The following KIAA1217 variants were observed in gnomAD, a reference collection of about 807,000 sequenced individuals.
KIAA1217 encodes sickle tail protein homolog.
A neutral mutation model predicts 163.9 loss-of-function variants in KIAA1217; 88 were observed. The observed-to-expected ratio is 0.54, with a 90% CI of 0.45 to 0.64. The LOEUF (loss-of-function observed/expected upper bound fraction) is 0.64. Among genes scored for constraint, KIAA1217 ranks in the 30% least tolerant of loss-of-function variants. The pLI, the probability that KIAA1217 is intolerant of heterozygous loss-of-function variation, is 0.00. For missense variants in KIAA1217, 2,372 were observed against 2,475.0 expected, an observed-to-expected ratio of 0.96 and a Z score of 0.88; for synonymous variants, 903 against 923.1, an observed-to-expected ratio of 0.98 and a Z score of 0.39.
At chr10:24,397,351 G>T (rs544877637) in intron 3 of KIAA1217, among the ~76,000 whole-genome samples, 10 of 152,144 alleles carry the variant, frequency 6.6e-5, no homozygotes, top group Non-Finnish European at 1.0e-4. Flanking sequence ...GCCTCCCAAA[G>T]TGCTGGGATT....
chr10:23,713,870 A>G (rs1290315160), intron 1 of KIAA1217, among the ~76,000 whole-genome samples: 1 of 152,156 alleles, frequency 6.6e-6, no homozygotes, highest in Non-Finnish European at 1.5e-5. Flanking sequence ...TATAACCTTG[A>G]CTTCAAACCT....
intron 1 of KIAA1217, among the ~76,000 whole-genome samples, chr10:23,703,013 C>T (rs183394102): frequency 1.1e-3 from 160 of 152,002 alleles, no homozygotes; most frequent in Non-Finnish European, 1.3e-3. Flanking sequence ...CTTTTTTTGC[C>T]CTCTGTATTC....
chr10:23,779,124 A>T (rs1185612208), intron 1 of KIAA1217, among the ~76,000 whole-genome samples: 1 of 152,166 alleles, frequency 6.6e-6, no homozygotes, highest in Non-Finnish European at 1.5e-5. Flanking sequence ...GACCAGAAAG[A>T]TATGATGAGT....
At chr10:24,271,805 T>C (rs2076796070) in intron 2 of KIAA1217, among the ~76,000 whole-genome samples, 1 of 152,006 alleles carries the variant, frequency 6.6e-6, no homozygotes. Flanking sequence ...GGCCTTTTAA[T>C]AAACTTTCCC....
intron 2 of KIAA1217, among the ~76,000 whole-genome samples, chr10:24,149,870 T>G (rs1414796862): frequency 1.3e-5 from 2 of 151,954 alleles, no homozygotes; most frequent in African/African-American, 2.4e-5. Flanking sequence ...CCAAAATAAG[T>G]GCAACTATTA....
At chr10:24,174,252 A>C (rs1011269707) in intron 2 of KIAA1217, among the ~76,000 whole-genome samples, 1 of 152,200 alleles carries the variant, frequency 6.6e-6, no homozygotes, top group South Asian at 2.1e-4. Flanking sequence ...AGGCCCTTCT[A>C]TGTCTGTCTA....
chr10:24,321,358 C>T (rs570393591), intron 2 of KIAA1217, among the ~76,000 whole-genome samples: 16 of 152,004 alleles, frequency 1.1e-4, no homozygotes, highest in Admixed American at 7.9e-4. Context: ...GACCAACATA[C>T]CAAAACCCCA....
intron 2 of KIAA1217, among the ~76,000 whole-genome samples, chr10:24,096,615 C>T (rs1471146377): frequency 6.6e-6 from 1 of 152,136 alleles, no homozygotes; most frequent in Non-Finnish European, 1.5e-5. Flanking sequence ...CTGTGTACTT[C>T]CCCATCTCCC....
intron 2 of KIAA1217, among the ~76,000 whole-genome samples, chr10:24,120,055 A>T (rs1250438184): frequency 6.6e-6 from 1 of 152,140 alleles, no homozygotes; most frequent in Non-Finnish European, 1.5e-5. Flanking sequence ...AAGAAACATG[A>T]TTCCTATGCG....
intron 2 of KIAA1217, among the ~76,000 whole-genome samples, chr10:24,197,967 T>C (rs137997555): frequency 1.8e-4 from 28 of 152,366 alleles, no homozygotes; most frequent in East Asian, 1.4e-3. Flanking sequence ...TTCCATCATC[T>C]TTCCTATCAC....
chr10:24,061,915 CAT>C (rs1257954649), intron 2 of KIAA1217, among the ~76,000 whole-genome samples: 3 of 152,062 alleles, frequency 2.0e-5, no homozygotes, highest in African/African-American at 7.2e-5. Context: ...ATCTGGATGT[CAT>C]TTACTTCCTC....
intron 1 of KIAA1217, among the ~76,000 whole-genome samples, chr10:23,721,521 G>A (rs1027537963): frequency 9.3e-5 from 14 of 151,268 alleles, no homozygotes; most frequent in Admixed American, 8.6e-4. Flanking sequence ...TGCTTTCACT[G>A]CTGGTGGTAT....
At chr10:24,445,973 T>C (rs2060898798) in intron 5 of KIAA1217, among the ~76,000 whole-genome samples, 1 of 152,196 alleles carries the variant, frequency 6.6e-6, no homozygotes, top group Admixed American at 6.5e-5. Context: ...TCCACAATGG[T>C]TGAACTAGTT....
At chr10:23,838,516 A>C (rs1219539052) in intron 1 of KIAA1217, among the ~76,000 whole-genome samples, 1 of 151,514 alleles carries the variant, frequency 6.6e-6, no homozygotes, top group Non-Finnish European at 1.5e-5. Context: ...GCTGGAGTGC[A>C]GTGGCACCAT....
At chr10:24,224,009 T>C (rs567957889) in intron 2 of KIAA1217, among the ~76,000 whole-genome samples, 2 of 152,326 alleles carry the variant, frequency 1.3e-5, no homozygotes, top group East Asian at 3.9e-4. Flanking sequence ...GCAAAACTTC[T>C]GTTTGTCTTT....
chr10:23,771,488 C>G (rs553250593), intron 1 of KIAA1217, among the ~76,000 whole-genome samples: 4 of 152,294 alleles, frequency 2.6e-5, no homozygotes, highest in African/African-American at 9.6e-5. Flanking sequence ...ACTGGTAAGT[C>G]TTGATGCTAT....
chr10:23,741,066 G>T (rs529119316), intron 1 of KIAA1217, among the ~76,000 whole-genome samples: 4 of 152,278 alleles, frequency 2.6e-5, no homozygotes, highest in Non-Finnish European at 4.4e-5. Flanking sequence ...TCCAGTAATT[G>T]GTCCAGTAGT....
At chr10:23,945,694 T>G (rs1182317103) in intron 1 of KIAA1217, among the ~76,000 whole-genome samples, 2 of 152,168 alleles carry the variant, frequency 1.3e-5, no homozygotes, top group African/African-American at 4.8e-5. Flanking sequence ...AAATCAAATG[T>G]TGTTTAATAT....
chr10:24,339,997 C>T (rs1441676162), intron 2 of KIAA1217, among the ~76,000 whole-genome samples: 10 of 152,066 alleles, frequency 6.6e-5, no homozygotes, highest in Admixed American at 1.3e-4. Context: ...TAGAGTGTTG[C>T]GAAGTCAGGA....
Sources: gnomAD v4.1 joint callset for allele counts (sites outside exome capture counted in the v4.1 genomes callset) on GRCh38, gnomAD v4.1.1 for gene constraint, MANE v1.5 for transcripts, NCBI Gene and HGNC (gene_info 2026-07-23, HGNC 2026-07-21) for gene names.